ACACB: variants seen among roughly 807,000 people sequenced by gnomAD.
ACACB encodes the protein acetyl-CoA carboxylase 2.
Under a neutral mutation model 278.8 loss-of-function variants are expected in ACACB, and 209 were observed. That is an observed-to-expected ratio of 0.75 (90% CI 0.67 to 0.84). The LOEUF is 0.84. Ranked by LOEUF, ACACB falls within the 40% of genes least tolerant of loss-of-function variation. ACACB has a pLI of 0.00. For missense variants in ACACB, 2,850 were observed against 3,269.0 expected (o/e 0.87, Z 3.13); for synonymous variants, 1,174 against 1,285.6 (o/e 0.91, Z 1.86).
At chr12:109,197,270 CT>C (rs2045170939) in intron 17 of ACACB, 117 bp downstream of exon 17, 2 of 1,285,378 alleles carry the variant, frequency 1.6e-6, no homozygotes, top group East Asian at 5.7e-5. Context: ...AGGTGCCTTT[CT>C]GGTAAATTCT....
chr12:109,252,384 A>T, intron 42 of ACACB: 1 of 373,862 alleles, frequency 2.7e-6, no homozygotes, highest in East Asian at 4.2e-5. Flanking sequence ...CTGACATTTT[A>T]AAACAAATTA....
At chr12:109,262,217 A>G in intron 48 of ACACB, 140 bp from the exon 49 acceptor site, 1 of 633,844 alleles carries the variant, frequency 1.6e-6, no homozygotes, top group East Asian at 2.8e-5. Context: ...AAGGGCACAC[A>G]GCATGTGTGG....
At chr12:109,187,880 GACT>G in intron 12 of ACACB, 116 bp from the exon 13 acceptor site, 1 of 1,127,658 alleles carries the variant, frequency 8.9e-7, no homozygotes, top group Admixed American at 2.9e-5. Flanking sequence ...GTGTTCTATT[GACT>G]ACCCTAAGCT....
chr12:109,264,463 G>A (rs2047461478), intron 50 of ACACB, 77 bp downstream of exon 50: 2 of 1,543,488 alleles, frequency 1.3e-6, no homozygotes, highest in African/African-American at 1.4e-5. Context: ...TTGGGCTCGG[G>A]GGCGGGGAGG....
intron 31 of ACACB, 62 bp downstream of exon 31, chr12:109,234,107 C>A: frequency 7.2e-7 from 1 of 1,398,036 alleles, no homozygotes; most frequent in South Asian, 1.2e-5. Flanking sequence ...GGGCTGGGCT[C>A]GTCGAGGCGG....
intron 2 of ACACB, among the ~76,000 whole-genome samples, 172 bp downstream of exon 2, chr12:109,140,230 CCT>C (rs2043071277): frequency 7.7e-6 from 1 of 130,162 alleles, no homozygotes; most frequent in Non-Finnish European, 1.7e-5. Flanking sequence ...TTCCTTCCTT[CCT>C]TCCTTCCTTC....
At chr12:109,193,832 G>C (rs2044988712) in intron 16 of ACACB, 103 bp downstream of exon 16, 4 of 1,036,046 alleles carry the variant, frequency 3.9e-6, no homozygotes, top group Non-Finnish European at 5.8e-6. Flanking sequence ...TCATGCTTGG[G>C]TTTGAGCTCT....
chr12:109,222,973 C>T, intron 26 of ACACB, 61 bp downstream of exon 26: 1 of 1,374,378 alleles, frequency 7.3e-7, no homozygotes, highest in Non-Finnish European at 1.0e-6. Context: ...AGGTGGGGGC[C>T]TCTGGGGAAA....
At chr12:109,141,987 C>T (rs376456711) in intron 2 of ACACB, among the ~76,000 whole-genome samples, 13 of 152,120 alleles carry the variant, frequency 8.5e-5, no homozygotes, top group African/African-American at 2.9e-4. Flanking sequence ...GTGGCTCACA[C>T]CTGTAATTCC....
intron 6 of ACACB, among the ~76,000 whole-genome samples, chr12:109,172,928 CA>C (rs1245638254): frequency 6.6e-6 from 1 of 152,146 alleles, no homozygotes; most frequent in Non-Finnish European, 1.5e-5. Flanking sequence ...AAATGCCCAT[CA>C]ATAACAGATT....
At chr12:109,167,062 G>T in intron 3 of ACACB, 69 bp downstream of exon 3, 1 of 1,603,212 alleles carries the variant, frequency 6.2e-7, no homozygotes, top group Non-Finnish European at 8.5e-7. Flanking sequence ...CTCAGCTGGA[G>T]GTGGGAGATT....
At chr12:109,250,454 T>C (rs538609408) in intron 41 of ACACB, among the ~76,000 whole-genome samples, 1 of 152,326 alleles carries the variant, frequency 6.6e-6, no homozygotes, top group East Asian at 1.9e-4. Flanking sequence ...CCAGTGTGGT[T>C]TAACAGTTAT....
chr12:109,172,458 G>A lies in ACACB; in HGVS notation c.1117+102G>A, dbSNP rs147065928. ...CTCCTGTCCTGTAAAGCGGAGGTCC[G>A]TTTGATTTCCCACCTCACACTTCTG... On this transcript the variant is annotated intron_variant, in intron 6 of 52. Transcript: ENST00000338432. The A allele has an allele frequency of 1.6e-4, 171 of 1,083,444 alleles. 1 individual carries two copies. The highest frequency in any genetic ancestry group is 7.3e-4 in the East Asian group (30 of 40,822). 67.1% of individuals were successfully genotyped at this position (1,083,444 alleles called of 1,614,324 possible). A position where few individuals can be genotyped will look rare whatever the true frequency, so the allele number is the denominator to read the frequency against.
Position 109,206,739 on chromosome 12 carries a change from C to G in ACACB, c.2943C>G (p.Ala981=), listed in dbSNP as rs2045528387. 1.4e-5 allele frequency: 22 copies of G among 1,614,100 alleles called. No individual in the cohort carries two copies. Among genetic ancestry groups the G allele is most frequent in the Middle Eastern group, 1.7e-4 (1 of 6,026 alleles). The change falls in exon 20 of 53, where the codon GCC becomes GCG. Residue 981 remains alanine, a synonymous_variant. Coordinates refer to ENST00000338432, the MANE Select transcript of ACACB (RefSeq NM_001093.4). Reference sequence around the variant, plus strand: ...AACCGTTCACAGGAGAACTCCCTGCCCAGCAGACACTGCCCATCCTCGGAG... The same window carrying G: ...AACCGTTCACAGGAGAACTCCCTGCGCAGCAGACACTGCCCATCCTCGGAG... The part of the protein sequence containing the change: ...PAEPFTGELP[A]QQTLPILGEK...
At chr12:109,166,523 T>C (rs1313499028) in intron 2 of ACACB, among the ~76,000 whole-genome samples, 1 of 151,326 alleles carries the variant, frequency 6.6e-6, no homozygotes, top group Non-Finnish European at 1.5e-5. Context: ...TCTACAAAAA[T>C]GTTTAAAAGT....
At chr12:109,122,307 T>C (rs1450945708) in intron 1 of ACACB, among the ~76,000 whole-genome samples, 1 of 152,160 alleles carries the variant, frequency 6.6e-6, no homozygotes, top group Non-Finnish European at 1.5e-5. Context: ...AATGAGACAA[T>C]GATTATAAAA....
At chr12:109,258,658 C>T (rs145467677) in intron 46 of ACACB, among the ~76,000 whole-genome samples, 1 of 152,212 alleles carries the variant, frequency 6.6e-6, no homozygotes, top group African/African-American at 2.4e-5. Context: ...AGGGCACAGA[C>T]TGAGAAGAGC....
rs1182887923 is a variant in ACACB, at chr12:109,212,855, G to T, written c.3269G>T (p.Cys1090Phe). The T allele has an allele frequency of 1.9e-6, 3 of 1,613,934 alleles. No individual in the cohort carries two copies. Among genetic ancestry groups the T allele is most frequent in the Admixed American group, 1.7e-5 (1 of 59,990 alleles). Residue 1090 changes from cysteine (C) to phenylalanine (F), a missense_variant, in exon 22 of 53, where the codon TGC becomes TTC. By Grantham distance (205) the Cys-to-Phe change is radical (BLOSUM62 -2). This residue lies in a region of ACACB where 2,265 missense variants were observed against 2,561.3 expected (regional missense o/e 0.88). Coordinates refer to ENST00000338432, the MANE Select transcript of ACACB (RefSeq NM_001093.4). ...PSQQIATILDCHAATLQRKAD... is the reference protein window; with the variant it reads ...PSQQIATILDFHAATLQRKAD... ...ATCCAGATAGCCACCATCCTGGACT[G>T]CCATGCAGCCACCCTGCAGCGGAAG... is the stretch of plus-strand genomic sequence containing the variant.
intron 13 of ACACB, among the ~76,000 whole-genome samples, chr12:109,191,072 A>G (rs2044859662): frequency 6.6e-6 from 1 of 152,208 alleles, no homozygotes; most frequent in Admixed American, 6.5e-5. Context: ...ACCCTCATGA[A>G]GTCAGGGCTA....
Sources: allele counts gnomAD v4.1 joint callset (sites outside exome capture counted in the v4.1 genomes callset), GRCh38; gene constraint gnomAD v4.1.1; regional missense constraint gnomAD v4.1.1; transcripts MANE v1.5; gene names NCBI Gene and HGNC (gene_info 2026-07-23, HGNC 2026-07-21).